The following ENTPD1 variants were observed in gnomAD, a reference collection of about 807,000 sequenced individuals.
ENTPD1 encodes ATP diphosphohydrolase.
In ENTPD1, 33 loss-of-function variants were observed where a neutral mutation model predicts 57.0. That is an observed-to-expected ratio of 0.58 (90% confidence interval 0.44 to 0.77). The LOEUF (loss-of-function observed/expected upper bound fraction) is 0.77. Among genes scored for constraint, ENTPD1 ranks in the 30% least tolerant of loss-of-function variants. The probability of loss-of-function intolerance (pLI) is 0.00; values close to 1 mark genes in which losing one functional copy is unlikely to be tolerated. For missense variants in ENTPD1, 501 were observed against 603.4 expected (o/e 0.83, Z 1.78); for synonymous variants, 202 against 218.8 (o/e 0.92, Z 0.68).
upstream of ENTPD1, among the ~76,000 whole-genome samples, chr10:95,752,880 C>T (rs973532241): frequency 6.6e-6 from 1 of 152,100 alleles, no homozygotes; most frequent in Non-Finnish European, 1.5e-5. Context: ...AGTACATTCA[C>T]ATTGTTGTGC....
chr10:95,757,018 C>T (rs1300439050), intron 1 of ENTPD1, among the ~76,000 whole-genome samples: 1 of 152,186 alleles, frequency 6.6e-6, no homozygotes, highest in Non-Finnish European at 1.5e-5. Context: ...GACGGAGAGC[C>T]AGCTGCTTGC....
chr10:95,841,795 C>T (rs1566223094), intron 3 of ENTPD1, among the ~76,000 whole-genome samples: 2 of 152,152 alleles, frequency 1.3e-5, no homozygotes, highest in African/African-American at 4.8e-5. Context: ...GGCAGGATAT[C>T]GGAGTGGAAA....
At chr10:95,746,115 C>A (rs1371739384) in intron 1 of ENTPD1, among the ~76,000 whole-genome samples, 2 of 152,096 alleles carry the variant, frequency 1.3e-5, no homozygotes, top group African/African-American at 4.8e-5. Context: ...CGTTAGGTTA[C>A]TTCTGAAAAA....
chr10:95,830,760 GC>G (rs2098394011), intron 2 of ENTPD1, among the ~76,000 whole-genome samples: 1 of 152,018 alleles, frequency 6.6e-6, no homozygotes, highest in Non-Finnish European at 1.5e-5. Flanking sequence ...CTGAGATCAC[GC>G]CACTGTACTC....
Position 95,872,043 on chromosome 10 carries a change from C to CCATCACT in ENTPD1, c.*5661_*5667dup. 1.0e-6 allele frequency: 1 copy of CCATCACT among 985,430 alleles called. No homozygotes were observed. The allele number at this position is 985,430 out of a possible 1,614,324, so 61.0% of individuals were successfully genotyped here. ...CTGCCTCAATGAACCAAGATCAGCT[C>CCATCACT]CATCACTGGGACCTCCCCATTCTGC... is the stretch of plus-strand genomic sequence containing the variant. On this transcript the variant is annotated 3_prime_UTR_variant, in exon 10 of 10. Transcript: ENST00000371205.
At chr10:95,759,990 T>C (rs528928325) in intron 1 of ENTPD1, among the ~76,000 whole-genome samples, 28 of 152,244 alleles carry the variant, frequency 1.8e-4, no homozygotes, top group African/African-American at 6.5e-4. Flanking sequence ...AGAGCTGTAA[T>C]GTAAGTCTAA....
At chr10:95,819,462 C>T (rs2098341228) in intron 1 of ENTPD1, among the ~76,000 whole-genome samples, 1 of 152,218 alleles carries the variant, frequency 6.6e-6, no homozygotes, top group Non-Finnish European at 1.5e-5. Flanking sequence ...CTGCACCCTG[C>T]CGAGATTAAA....
intron 1 of ENTPD1, among the ~76,000 whole-genome samples, chr10:95,723,195 A>G (rs925250258): frequency 5.9e-5 from 9 of 152,204 alleles, no homozygotes; most frequent in African/African-American, 1.9e-4. Context: ...GATCAATTAT[A>G]GGTTTTAAAT....
chr10:95,837,956 T>TCACACACA (rs142329357), intron 2 of ENTPD1, among the ~76,000 whole-genome samples: 299 of 146,916 alleles, frequency 2.0e-3, no homozygotes, highest in African/African-American at 3.8e-3. Context: ...GTAGGGAGAT[T>TCACACACA]CACACACACA....
chr10:95,778,540 T>C (rs1426051047), intron 1 of ENTPD1, among the ~76,000 whole-genome samples: 1 of 152,264 alleles, frequency 6.6e-6, no homozygotes, highest in Non-Finnish European at 1.5e-5. Context: ...TCCCTAACTG[T>C]TGGCTAGAAT....
chr10:95,705,185 A>G, the ENTPD1 span, among the ~76,000 whole-genome samples: 1 of 152,196 alleles, frequency 6.6e-6, no homozygotes, highest in Admixed American at 6.5e-5. Context: ...TGGGGCTACC[A>G]TTTACTGTTG....
intron 1 of ENTPD1, among the ~76,000 whole-genome samples, chr10:95,730,041 CTT>C (rs2097987615): frequency 6.6e-6 from 1 of 152,058 alleles, no homozygotes; most frequent in African/African-American, 2.4e-5. Flanking sequence ...CCCAGTATTT[CTT>C]TCTTTCTTTT....
At chr10:95,759,046 G>A (rs993129090) in intron 1 of ENTPD1, among the ~76,000 whole-genome samples, 1 of 152,168 alleles carries the variant, frequency 6.6e-6, no homozygotes, top group African/African-American at 2.4e-5. Flanking sequence ...AGGCTCTTGT[G>A]CAAGTCCAAA....
upstream of ENTPD1, among the ~76,000 whole-genome samples, chr10:95,711,524 C>G (rs778695049): frequency 9.9e-5 from 15 of 152,132 alleles, no homozygotes; most frequent in Non-Finnish European, 2.1e-4. Context: ...TTTTTAGGGA[C>G]AGGGTCTCAC....
rs1270584506 is a variant in ENTPD1, at chr10:95,874,630, G to A, written c.*8247G>A. 6.6e-6 allele frequency among the ~76,000 whole-genome samples: 1 copy of A among 152,226 alleles called. No homozygotes were observed. The highest frequency in any genetic ancestry group is 1.5e-5 in the Non-Finnish European group (1 of 68,038). On this transcript the variant is annotated 3_prime_UTR_variant, in exon 10 of 10. Coordinates refer to ENST00000371205, the MANE Select transcript of ENTPD1 (RefSeq NM_001776.6). The stretch of plus-strand genomic sequence containing the variant: ...TCTTCTCACAGCTCCACTAGGCAGT[G>A]CCCCAACAGGGACTCTGTGTGGGGG...
At chr10:95,756,124 A>G (rs1050147513), upstream of ENTPD1, 5 of 1,543,966 alleles carry the variant, frequency 3.2e-6, no homozygotes, top group African/African-American at 4.1e-5. Flanking sequence ...CACGAGCCCA[A>G]GGGTCTGTTA....
chr10:95,758,700 C>T lies in ENTPD1; in HGVS notation c.16+2445C>T, dbSNP rs552427225. Among the ~76,000 whole-genome samples, 106 of 152,236 alleles carry T rather than the reference C, an allele frequency of 7.0e-4. 1 individual carries two copies. In the South Asian group the frequency reaches 0.021, roughly 31 times the overall value. On this transcript the variant is annotated intron_variant, in intron 1 of 9. Transcript: ENST00000371205. The stretch of plus-strand genomic sequence containing the variant: ...TCTAAACTTGTGGCAACTTTCTCAT[C>T]AGTGTGGGCAGAGTGGTGGGAGAGG...
chr10:95,784,514 G>A (rs1023955701), intron 1 of ENTPD1, among the ~76,000 whole-genome samples: 1 of 152,148 alleles, frequency 6.6e-6, no homozygotes, highest in Non-Finnish European at 1.5e-5. Context: ...AAAAACTCAG[G>A]CTGTGTTTCC....
intron 7 of ENTPD1, among the ~76,000 whole-genome samples, chr10:95,855,105 A>G (rs2098452163): frequency 6.6e-6 from 1 of 152,126 alleles, no homozygotes; most frequent in Non-Finnish European, 1.5e-5. Context: ...GACTTGCTTT[A>G]TGAATTTGGG....
Sources: gnomAD v4.1 joint callset for allele counts (sites outside exome capture counted in the v4.1 genomes callset) on GRCh38, gnomAD v4.1.1 for gene constraint, MANE v1.5 for transcripts, NCBI Gene and HGNC (gene_info 2026-07-23, HGNC 2026-07-21) for gene names.